Variants in BCAS3 observed in about 807,000 individuals in gnomAD.
BCAS3 encodes the protein BCAS3 microtubule associated cell migration factor.
A neutral mutation model predicts 116.1 loss-of-function variants in BCAS3; 53 were observed. The observed-to-expected ratio is 0.46, with a 90% CI of 0.37 to 0.57. BCAS3 has a LOEUF of 0.57. BCAS3 is among the 20% of genes least tolerant of loss of function. The pLI is 0.00. For synonymous variants in BCAS3, 391 were observed against 408.2 expected, an observed-to-expected ratio of 0.96 and a Z score of 0.51; for missense variants, 917 against 1,165.4, an observed-to-expected ratio of 0.79 and a Z score of 3.10.
intron 14 of BCAS3, among the ~76,000 whole-genome samples, chr17:60,980,786 T>G (rs549466079): frequency 1.2e-4 from 19 of 152,192 alleles, no homozygotes; most frequent in Admixed American, 9.8e-4. Flanking sequence ...TCTGCCCAGC[T>G]CAGGCTCCCA....
At chr17:60,885,830 G>C (rs1404255935) in intron 9 of BCAS3, among the ~76,000 whole-genome samples, 1 of 145,074 alleles carries the variant, frequency 6.9e-6, no homozygotes, top group African/African-American at 2.8e-5. Context: ...AGTCTGATGG[G>C]CTTCCCTTTG....
At chr17:61,163,290 G>T (rs8068584) in intron 22 of BCAS3, among the ~76,000 whole-genome samples, 114,656 of 151,828 alleles carry the variant, frequency 0.76, 43,658 homozygotes, top group South Asian at 0.89. Flanking sequence ...CGGGCGTGGT[G>T]GTGGGCGCCT....
chr17:60,890,018 G>C (rs750228043), intron 10 of BCAS3, among the ~76,000 whole-genome samples: 1 of 152,202 alleles, frequency 6.6e-6, no homozygotes, highest in Admixed American at 6.5e-5. Flanking sequence ...GTTTTATATA[G>C]AGAACTTCAT....
At chr17:61,184,933 T>A (rs970982054) in intron 22 of BCAS3, among the ~76,000 whole-genome samples, 2 of 150,640 alleles carry the variant, frequency 1.3e-5, no homozygotes, top group Non-Finnish European at 3.0e-5. Context: ...GGGCCAGGAG[T>A]TGGGGGAAAG....
At chr17:61,231,544 CCATGCTGGG>C (rs1439516227) in intron 22 of BCAS3, among the ~76,000 whole-genome samples, 1 of 152,118 alleles carries the variant, frequency 6.6e-6, no homozygotes, top group Non-Finnish European at 1.5e-5. Context: ...AATGCAGAAA[CCATGCTGGG>C]CATTAAGGAA....
Position 61,082,146 on chromosome 17 carries a change from A to G in BCAS3, c.2328-2321A>G, listed in dbSNP as rs1258249669. 6.6e-6 allele frequency among the ~76,000 whole-genome samples: 1 copy of G among 152,246 alleles called. No individual in the cohort carries two copies. The highest frequency in any genetic ancestry group is 1.5e-5 in the Non-Finnish European group (1 of 68,044). On this transcript the variant is annotated intron_variant, in intron 21 of 23. Transcript: ENST00000407086. This position sits in a 1 kb window ranked among gnomAD's most constrained non-coding sequence, Gnocchi z 5.1. ...AACAGACCTGAGAAACATATAATGT[A>G]AAAGATGCTGAGTATGCAAAGCCTC... is the stretch of plus-strand genomic sequence containing the variant.
chr17:61,047,095 T>G (rs1373012774), intron 19 of BCAS3, among the ~76,000 whole-genome samples: 1 of 151,982 alleles, frequency 6.6e-6, no homozygotes, highest in Non-Finnish European at 1.5e-5. Flanking sequence ...TAATATAAAG[T>G]AAGTAAAAAC....
chr17:61,302,593 A>G lies in BCAS3; in HGVS notation c.2426-65734A>G, dbSNP rs77450613. The stretch of plus-strand genomic sequence containing the variant: ...CTTGTTTAATACTGACAATATAATT[A>G]CAAGGTGCATATCATTATTACTCCC... On this transcript the variant is annotated intron_variant, in intron 22 of 23. Transcript: ENST00000407086. The surrounding 1 kb of genome is among the most constrained non-coding windows in gnomAD (Gnocchi z 4.4). Among the ~76,000 whole-genome samples the G allele has an allele frequency of 1.5e-3, 226 of 152,336 alleles. 4 individuals are homozygous for G. Among genetic ancestry groups the G allele is most frequent in the East Asian group, 9.6e-4 (5 of 5,188 alleles).
At chr17:60,864,688 T>C (rs964375831) in intron 7 of BCAS3, among the ~76,000 whole-genome samples, 2 of 152,232 alleles carry the variant, frequency 1.3e-5, no homozygotes, top group Non-Finnish European at 2.9e-5. Flanking sequence ...TTTGTGTTCA[T>C]GACTTGGTGA....
chr17:60,732,419 C>T (rs2040549063), intron 5 of BCAS3, among the ~76,000 whole-genome samples: 1 of 152,118 alleles, frequency 6.6e-6, no homozygotes, highest in Non-Finnish European at 1.5e-5. Context: ...TGGAGACTGG[C>T]TTGATCTTGG....
rs1783130089 is a variant in BCAS3 at position 60,961,372 on chromosome 17, G to A, written c.1221+14020G>A. The stretch of plus-strand genomic sequence containing the variant: ...AGGCTAGTCTGAAATCAGTAGGGCT[G>A]GCCAGAAGGAATGTCCAGGTGGAAA... On this transcript the variant is annotated intron_variant, in intron 14 of 23. Coordinates refer to ENST00000407086, the MANE Select transcript of BCAS3 (RefSeq NM_017679.5). The surrounding 1 kb of genome is among the most constrained non-coding windows in gnomAD (Gnocchi z 4.8). Among the ~76,000 whole-genome samples, 1 of 152,036 alleles carries A rather than the reference G, an allele frequency of 6.6e-6. No homozygotes were observed. Among genetic ancestry groups the A allele is most frequent in the Admixed American group, 6.5e-5 (1 of 15,270 alleles).
intron 14 of BCAS3, among the ~76,000 whole-genome samples, chr17:60,974,829 A>G (rs1255489262): frequency 6.6e-6 from 1 of 152,192 alleles, no homozygotes; most frequent in Non-Finnish European, 1.5e-5. Flanking sequence ...GGTAATAATG[A>G]GTGCCCTAAT....
intron 22 of BCAS3, among the ~76,000 whole-genome samples, chr17:61,357,455 T>A (rs148361350): frequency 0.046 from 6,838 of 149,074 alleles, 418 homozygotes; most frequent in African/African-American, 0.13. Flanking sequence ...TTTATTTTTT[T>A]TTTTTTTGAA....
intron 22 of BCAS3, among the ~76,000 whole-genome samples, chr17:61,107,337 G>A (rs1601287586): frequency 6.6e-6 from 1 of 151,968 alleles, no homozygotes; most frequent in African/African-American, 2.4e-5. Flanking sequence ...CACCTGCCTC[G>A]GCCTCCCAAA....
Position 61,128,761 on chromosome 17 carries a change from T to C in BCAS3, c.2425+44197T>C, listed in dbSNP as rs979047198. Among the ~76,000 whole-genome samples, 2 of 152,106 alleles carry C rather than the reference T, an allele frequency of 1.3e-5. No homozygotes were observed. The highest frequency in any genetic ancestry group is 4.8e-5 in the African/African-American group (2 of 41,392). ...ATCATCGTGCTAGCTGGTAGAATTT[T>C]TTCCCCCAGGAAAAAAAAATCGGCA... is the stretch of plus-strand genomic sequence containing the variant. On this transcript the variant is annotated intron_variant, in intron 22 of 23. Coordinates refer to ENST00000407086, the MANE Select transcript of BCAS3 (RefSeq NM_017679.5). This position sits in a 1 kb window ranked among gnomAD's most constrained non-coding sequence, Gnocchi z 4.1.
At chr17:61,383,640 C>T (rs559629415) in intron 23 of BCAS3, 1 of 152,418 alleles carries the variant, frequency 6.6e-6, no homozygotes, top group South Asian at 2.1e-4. Context: ...CAGATAAGAG[C>T]ACAGGCCTTT....
intron 7 of BCAS3, chr17:60,811,092 C>A: frequency 1.6e-6 from 1 of 631,636 alleles, no homozygotes; most frequent in Non-Finnish European, 2.9e-6. Flanking sequence ...TGGATATTGA[C>A]CTGGACTGCA....
At chr17:61,000,895 G>C (rs2064190150) in intron 15 of BCAS3, among the ~76,000 whole-genome samples, 1 of 152,224 alleles carries the variant, frequency 6.6e-6, no homozygotes, top group South Asian at 2.1e-4. Context: ...TTATAAATCA[G>C]TACACCTATT....
chr17:61,099,934 A>G (rs72844911), intron 22 of BCAS3, among the ~76,000 whole-genome samples: 76 of 152,356 alleles, frequency 5.0e-4, no homozygotes, highest in Non-Finnish European at 1.0e-3. Flanking sequence ...AATTTCCAAA[A>G]TTTTAGTGGT....
Sources: allele counts gnomAD v4.1 joint callset (sites outside exome capture counted in the v4.1 genomes callset), GRCh38; gene constraint gnomAD v4.1.1; non-coding constraint Gnocchi (gnomAD v3.1); transcripts MANE v1.5; gene names NCBI Gene and HGNC (gene_info 2026-07-23, HGNC 2026-07-21).